The following SH3RF1 variants were observed in gnomAD, a reference collection of about 807,000 sequenced individuals.
The protein encoded by SH3RF1 is SH3 domain containing ring finger 1.
SH3RF1 carries 32 observed loss-of-function variants against 74.0 expected under a neutral mutation model. The observed-to-expected ratio is 0.43, with a 90% CI of 0.33 to 0.58. The LOEUF (loss-of-function observed/expected upper bound fraction) is 0.58. SH3RF1 is among the 20% of genes least tolerant of loss of function. The pLI is 0.05. For missense variants in SH3RF1, 954 were observed against 1,130.9 expected (o/e 0.84, Z 2.24); for synonymous variants, 396 against 439.6 (o/e 0.90, Z 1.24).
chr4:169,264,048 G>A (rs1197310727), intron 2 of SH3RF1, among the ~76,000 whole-genome samples: 5 of 152,216 alleles, frequency 3.3e-5, no homozygotes, highest in African/African-American at 9.6e-5. Context: ...GCAGTGGACC[G>A]AGAGGCCACT....
At chr4:169,146,671 G>A (rs113001434) in intron 4 of SH3RF1, among the ~76,000 whole-genome samples, 25 of 152,264 alleles carry the variant, frequency 1.6e-4, no homozygotes, top group African/African-American at 5.8e-4. Flanking sequence ...ACTAACTGCA[G>A]GGAGTAAGAA....
At chr4:169,146,387 G>A (rs11732085) in intron 4 of SH3RF1, among the ~76,000 whole-genome samples, 25,566 of 150,992 alleles carry the variant, frequency 0.17, 2,833 homozygotes, top group Non-Finnish European at 0.25. Flanking sequence ...ATGCCACCAC[G>A]CCCAGCTTAT....
At chr4:169,213,009 G>A (rs1730405534) in intron 2 of SH3RF1, among the ~76,000 whole-genome samples, 1 of 152,156 alleles carries the variant, frequency 6.6e-6, no homozygotes, top group East Asian at 1.9e-4. Context: ...TCCATGTGCA[G>A]GTTTTTGTAA....
intron 2 of SH3RF1, among the ~76,000 whole-genome samples, chr4:169,167,716 A>T (rs1181295213): frequency 6.6e-6 from 1 of 152,190 alleles, no homozygotes; most frequent in Non-Finnish European, 1.5e-5. Context: ...GAGGTGGGCA[A>T]ATGAGTGAAA....
chr4:169,256,668 C>G (rs186026231), intron 2 of SH3RF1, among the ~76,000 whole-genome samples: 22 of 152,304 alleles, frequency 1.4e-4, no homozygotes, highest in Non-Finnish European at 2.8e-4. Flanking sequence ...AAGATCACAG[C>G]TCACTGCAGC....
chr4:169,171,521 A>G (rs1734327183), intron 2 of SH3RF1, among the ~76,000 whole-genome samples: 1 of 152,240 alleles, frequency 6.6e-6, no homozygotes, highest in Non-Finnish European at 1.5e-5. Flanking sequence ...TGTAAGTAGA[A>G]TATGACTTAT....
chr4:169,151,997 T>G (rs559013124), intron 4 of SH3RF1, among the ~76,000 whole-genome samples: 115 of 152,334 alleles, frequency 7.5e-4, no homozygotes, highest in Admixed American at 1.5e-3. Context: ...TAAAAATCTT[T>G]CCTTCTATTT....
chr4:169,187,091 C>A (rs559617458), intron 2 of SH3RF1, among the ~76,000 whole-genome samples: 2 of 152,048 alleles, frequency 1.3e-5, no homozygotes, highest in East Asian at 3.9e-4. Context: ...CAAAAATACT[C>A]TTTTTGCTAA....
Position 169,136,379 on chromosome 4 carries a change from T to C in SH3RF1, c.1007A>G (p.Asn336Ser). 2.5e-6 allele frequency: 4 copies of C among 1,582,112 alleles called. No homozygotes were observed. The highest frequency in any genetic ancestry group is 2.6e-6 in the Non-Finnish European group (3 of 1,166,380). The change falls in exon 5 of 12, where the codon AAC becomes AGC. Residue 336 changes from asparagine to serine, a missense_variant. Asn to Ser is a conservative substitution (Grantham distance 46). This residue lies in a region of SH3RF1 where 854 missense variants were observed against 962.5 expected (regional missense o/e 0.89). Transcript: ENST00000284637. Reference sequence around the variant, plus strand: ...GCTGATCCGTGCAGCAGCAGTGGGGTTGCTGGAGCTGATGAGGACAGGGGG... The same window carrying C: ...GCTGATCCGTGCAGCAGCAGTGGGGCTGCTGGAGCTGATGAGGACAGGGGG... ...ISPPVLISSSNPTAAARISEL... is the reference protein window; with the variant it reads ...ISPPVLISSSSPTAAARISEL...
chr4:169,187,516 CTGTGTGTGTGTGTGTGTGTGTGTGTGTG>C (rs60705711), intron 2 of SH3RF1, among the ~76,000 whole-genome samples: 5 of 144,072 alleles, frequency 3.5e-5, no homozygotes, highest in Admixed American at 1.4e-4. Context: ...CAACGAATTT[CTGTGTGTGTGTGTGTGTGTGTGTGTGTG>C]TGTGTGTGTG....
rs1731402486 is a variant in SH3RF1 at position 169,269,082 on chromosome 4, C to T, written c.131G>A (p.Arg44Gln). 6.2e-7 allele frequency: 1 copy of T among 1,614,154 alleles called. No homozygotes were observed. The highest frequency in any genetic ancestry group is 2.2e-5 in the East Asian group (1 of 44,882). ...KRCLLGIVGSRNELRCPECRT... is the reference protein window; with the variant it reads ...KRCLLGIVGSQNELRCPECRT... Reference sequence around the variant, plus strand: ...GCACTCGGGACATCTGAGTTCATTTCGAGAACCTACGATCCCCAGCAAACA... The same window carrying T: ...GCACTCGGGACATCTGAGTTCATTTTGAGAACCTACGATCCCCAGCAAACA... The change falls in exon 2 of 12, where the codon CGA becomes CAA. Residue 44 changes from arginine (R) to glutamine (Q), a missense_variant. Coordinates refer to ENST00000284637, the MANE Select transcript of SH3RF1 (RefSeq NM_020870.4).
At chr4:169,122,339 G>T in intron 6 of SH3RF1, 73 bp from the exon 7 acceptor site, 1 of 1,452,750 alleles carries the variant, frequency 6.9e-7, no homozygotes, top group Non-Finnish European at 9.3e-7. Flanking sequence ...CCTATGGAAG[G>T]TGGGAGAGAA....
intron 2 of SH3RF1, among the ~76,000 whole-genome samples, chr4:169,258,628 T>G (rs915569277): frequency 6.6e-6 from 1 of 152,092 alleles, no homozygotes; most frequent in Non-Finnish European, 1.5e-5. Flanking sequence ...AAAACACAAG[T>G]TCAATAATGG....
intron 2 of SH3RF1, among the ~76,000 whole-genome samples, chr4:169,206,528 A>G (rs902950658): frequency 6.6e-6 from 1 of 152,248 alleles, no homozygotes; most frequent in Non-Finnish European, 1.5e-5. Context: ...TTTAAAAATT[A>G]TATAAAAACA....
chr4:169,178,714 C>T (rs961829344), intron 2 of SH3RF1, among the ~76,000 whole-genome samples: 2 of 152,202 alleles, frequency 1.3e-5, no homozygotes, highest in Non-Finnish European at 2.9e-5. Flanking sequence ...CCAGTCCAAT[C>T]AGGCCTAGAC....
chr4:169,123,891 CAA>C (rs11324240), intron 6 of SH3RF1, among the ~76,000 whole-genome samples: 1 of 134,794 alleles, frequency 7.4e-6, no homozygotes. Context: ...GACTCCGTCT[CAA>C]AAAAAAAAAA....
chr4:169,197,046 T>A (rs1274057297), intron 2 of SH3RF1, among the ~76,000 whole-genome samples: 1 of 152,084 alleles, frequency 6.6e-6, no homozygotes, highest in African/African-American at 2.4e-5. Flanking sequence ...CACTCTTTCA[T>A]CCAGGCTGGA....
intron 6 of SH3RF1, among the ~76,000 whole-genome samples, chr4:169,126,248 T>C (rs1251502173): frequency 6.6e-6 from 1 of 152,270 alleles, no homozygotes; most frequent in Non-Finnish European, 1.5e-5. Context: ...AAATACACTA[T>C]GTGCTTCTAT....
chr4:169,186,697 C>A (rs1734610138), intron 2 of SH3RF1, among the ~76,000 whole-genome samples: 1 of 150,880 alleles, frequency 6.6e-6, no homozygotes, highest in East Asian at 2.0e-4. Context: ...CAGTTTATAG[C>A]ACCATCCCCA....
Sources: allele counts gnomAD v4.1 joint callset (sites outside exome capture counted in the v4.1 genomes callset), GRCh38; gene constraint gnomAD v4.1.1; regional missense constraint gnomAD v4.1.1; transcripts MANE v1.5; gene names NCBI Gene and HGNC (gene_info 2026-07-23, HGNC 2026-07-21).